The following KALRN variants were observed in gnomAD, a reference collection of about 807,000 sequenced individuals.
The protein encoded by KALRN is kalirin RhoGEF kinase, also known as kalirin.
KALRN carries 70 observed loss-of-function variants against 353.7 expected under a neutral mutation model. The observed-to-expected ratio is 0.20, with a 90% CI of 0.16 to 0.24. The LOEUF is 0.24. KALRN is among the 10% of genes least tolerant of loss of function. KALRN has a pLI of 1.00. For missense variants in KALRN, 2,791 were observed against 3,756.7 expected (o/e 0.74, Z 6.72); for synonymous variants, 1,391 against 1,434.8 (o/e 0.97, Z 0.69).
chr3:124,173,689 C>T (rs1239698670), intron 1 of KALRN, among the ~76,000 whole-genome samples: 1 of 152,180 alleles, frequency 6.6e-6, no homozygotes, highest in Non-Finnish European at 1.5e-5. Context: ...GATCTTGGCT[C>T]ACTGCAACCT....
intron 3 of KALRN, among the ~76,000 whole-genome samples, chr3:124,237,737 G>A (rs1402297996): frequency 6.6e-6 from 1 of 152,148 alleles, no homozygotes; most frequent in Non-Finnish European, 1.5e-5. Flanking sequence ...TCTATGCCAG[G>A]TAGATTGAGG....
chr3:124,716,760 T>C (rs2063152912), intron 58 of KALRN, among the ~76,000 whole-genome samples: 1 of 152,128 alleles, frequency 6.6e-6, no homozygotes, highest in South Asian at 2.1e-4. Flanking sequence ...GAGCTATGAT[T>C]GTGCCACAGC....
At position 124,438,879 on chromosome 3, in the gene KALRN, A is replaced by T. The variant is rs770894680; in HGVS notation, c.3049-9A>T. The T allele has an allele frequency of 6.2e-7, 1 of 1,601,980 alleles. No homozygotes were observed. The highest frequency in any genetic ancestry group is 8.5e-7 in the Non-Finnish European group (1 of 1,171,676). On this transcript the variant is annotated splice_polypyrimidine_tract_variant and intron_variant, in intron 17 of 59. Transcript: ENST00000682506. ...AATTTACTGAGTCTTTTCTTCCATG[A>T]TTCACTAGGTGTGTAGTGTCCTGGA... is the stretch of plus-strand genomic sequence containing the variant.
At chr3:124,120,145 A>G (rs551042006) in intron 1 of KALRN, among the ~76,000 whole-genome samples, 43 of 152,340 alleles carry the variant, frequency 2.8e-4, no homozygotes, top group African/African-American at 1.0e-3. Flanking sequence ...CAGTGTGGGT[A>G]CATGGGGTGA....
rs773264205 is a variant in KALRN at position 124,477,269 on chromosome 3, A to G, written c.4126A>G (p.Thr1376Ala). 1 of 1,613,534 alleles carries G rather than the reference A, an allele frequency of 6.2e-7. No homozygotes were observed. ...TWADKFQMYVTYCKNKPDSNQ... is the reference protein window; with the variant it reads ...TWADKFQMYVAYCKNKPDSNQ... ...GGCAGACAAATTTCAGATGTATGTC[A>G]CCTACTGTAAAAACAAGCCTGATTC... Residue 1376 changes from threonine (T) to alanine (A), a missense_variant, in exon 27 of 60, where the codon ACC (threonine) becomes GCC (alanine). By Grantham distance (58) the Thr-to-Ala change is moderately conservative. Transcript: ENST00000682506.
chr3:124,538,682 G>C (rs1016914799), intron 33 of KALRN, among the ~76,000 whole-genome samples: 2 of 152,054 alleles, frequency 1.3e-5, no homozygotes, highest in East Asian at 3.9e-4. Flanking sequence ...TCAGAATGAC[G>C]ACCCTGTAGC....
chr3:124,477,747 A>G (rs2061567305), intron 27 of KALRN, among the ~76,000 whole-genome samples: 2 of 152,160 alleles, frequency 1.3e-5, no homozygotes, highest in Non-Finnish European at 2.9e-5. Flanking sequence ...GGGGAGCCCA[A>G]CAACCTGAGT....
chr3:124,551,555 A>C (rs1040399179), intron 33 of KALRN, among the ~76,000 whole-genome samples: 3 of 152,178 alleles, frequency 2.0e-5, no homozygotes, highest in African/African-American at 7.2e-5. Flanking sequence ...GCTCCTAGCT[A>C]AGCGGGCGTG....
At chr3:124,510,833 A>T (rs973598385) in intron 33 of KALRN, among the ~76,000 whole-genome samples, 6 of 152,172 alleles carry the variant, frequency 3.9e-5, no homozygotes. Flanking sequence ...ATTCTTCAAC[A>T]ATAGTTTTTG....
intron 43 of KALRN, among the ~76,000 whole-genome samples, chr3:124,660,571 C>G (rs921894834): frequency 1.3e-5 from 2 of 151,208 alleles, no homozygotes; most frequent in Non-Finnish European, 2.9e-5. Flanking sequence ...ATCCCAACTA[C>G]TCAGGAGGCT....
intron 15 of KALRN, among the ~76,000 whole-genome samples, chr3:124,429,147 T>C (rs1233699480): frequency 1.3e-5 from 2 of 152,240 alleles, no homozygotes. Flanking sequence ...GCAAACACTC[T>C]GAGCAGTTAT....
chr3:124,137,411 G>A (rs1418516925), intron 1 of KALRN, among the ~76,000 whole-genome samples: 2 of 152,142 alleles, frequency 1.3e-5, no homozygotes, highest in Non-Finnish European at 2.9e-5. Flanking sequence ...GATGTGCTGT[G>A]TCAATGGGGT....
intron 7 of KALRN, among the ~76,000 whole-genome samples, chr3:124,326,455 C>T (rs1580988732): frequency 1.3e-5 from 2 of 152,188 alleles, no homozygotes; most frequent in South Asian, 4.2e-4. Context: ...GTTGCATGTG[C>T]GTGTGTGCAT....
chr3:124,454,913 GC>G (rs2059158820), intron 21 of KALRN, among the ~76,000 whole-genome samples: 1 of 152,124 alleles, frequency 6.6e-6, no homozygotes, highest in African/African-American at 2.4e-5. Context: ...TCCATGGGGG[GC>G]CCTGGAACAA....
chr3:124,372,280 G>A (rs1006294025), intron 10 of KALRN, among the ~76,000 whole-genome samples: 10 of 151,950 alleles, frequency 6.6e-5, no homozygotes, highest in Admixed American at 6.6e-5. Context: ...ATTCACCATG[G>A]AATAATTAGG....
chr3:124,535,952 G>C (rs931891894), intron 33 of KALRN, among the ~76,000 whole-genome samples: 1 of 152,126 alleles, frequency 6.6e-6, no homozygotes, highest in Non-Finnish European at 1.5e-5. Context: ...GAGCAGGTTG[G>C]AAGGGAAGGG....
chr3:124,177,497 A>C lies in KALRN; in HGVS notation c.74-50493A>C, dbSNP rs530094358. 5.3e-5 allele frequency among the ~76,000 whole-genome samples: 8 copies of C among 152,330 alleles called. No individual in the cohort carries two copies. In the South Asian group the frequency reaches 1.7e-3, roughly 32 times the overall value. ...ATGGACCAGGATGACTGGAGTTCCC[A>C]GGGAACCCACCCTGAGGAAGCCCTG... On this transcript the variant is annotated intron_variant, in intron 1 of 59. Coordinates refer to ENST00000682506, the MANE Select transcript of KALRN (RefSeq NM_001388419.1).
rs539045886 is a variant in KALRN, at chr3:124,590,412, G to A, written c.5182+27323G>A. On this transcript the variant is annotated intron_variant, in intron 34 of 59. Coordinates refer to ENST00000682506, the MANE Select transcript of KALRN (RefSeq NM_001388419.1). ...ATAAATCCTACCTTGGGAATAAAAG[G>A]TGCAAATTATGACTCTGTATCTGTT... Among the ~76,000 whole-genome samples, 5 of 152,156 alleles carry A rather than the reference G, an allele frequency of 3.3e-5. No individual in the cohort carries two copies. In the South Asian group the frequency reaches 8.3e-4, roughly 25 times the overall value.
At chr3:124,613,864 G>A (rs963284210) in intron 34 of KALRN, among the ~76,000 whole-genome samples, 1 of 152,170 alleles carries the variant, frequency 6.6e-6, no homozygotes, top group African/African-American at 2.4e-5. Flanking sequence ...CAGCTGGTCA[G>A]CTCCCATACT....
Sources: gnomAD v4.1 joint callset for allele counts (sites outside exome capture counted in the v4.1 genomes callset) on GRCh38, gnomAD v4.1.1 for gene constraint, MANE v1.5 for transcripts, NCBI Gene and HGNC (gene_info 2026-07-23, HGNC 2026-07-21) for gene names.